NRF1: variants seen among roughly 807,000 people sequenced by gnomAD.
NRF1 encodes the protein alpha palindromic-binding protein.
NRF1 carries 5 observed loss-of-function variants against 58.5 expected under a neutral mutation model. That is an observed-to-expected ratio of 0.09 (90% CI 0.04 to 0.18). The LOEUF (loss-of-function observed/expected upper bound fraction) is 0.18. Ranked by LOEUF, NRF1 falls within the 10% of genes least tolerant of loss-of-function variation. NRF1 has a pLI of 1.00. For synonymous variants in NRF1, 224 were observed against 246.7 expected (o/e 0.91, Z 0.86); for missense variants, 288 against 657.7 (o/e 0.44, Z 6.15).
intron 10 of NRF1, among the ~76,000 whole-genome samples, chr7:129,751,760 C>T (rs1208520502): frequency 6.6e-6 from 1 of 152,226 alleles, no homozygotes. Flanking sequence ...TCTGGTTTTG[C>T]TTGCTACTTG....
chr7:129,679,018 C>G lies in NRF1; in HGVS notation c.465+1260C>G, dbSNP rs1802245624. Reference sequence around the variant, plus strand: ...TTGCAAGTACCAGTAAAATTAGAAGCAGAATATATCTTCCAGAGCACCGAA... The same window carrying G: ...TTGCAAGTACCAGTAAAATTAGAAGGAGAATATATCTTCCAGAGCACCGAA... On this transcript the variant is annotated intron_variant, in intron 4 of 10. Transcript: ENST00000393232. Among the ~76,000 whole-genome samples, 3 of 152,072 alleles carry G rather than the reference C, an allele frequency of 2.0e-5. No homozygotes were observed. The South Asian group carries it at 6.2e-4, about 32-fold the overall frequency.
At chr7:129,708,846 G>A (rs1803008762) in intron 5 of NRF1, among the ~76,000 whole-genome samples, 1 of 152,124 alleles carries the variant, frequency 6.6e-6, no homozygotes, top group Non-Finnish European at 1.5e-5. Context: ...AGAGGAACAA[G>A]TCTACAAAAT....
chr7:129,670,092 TAGAA>T (rs1001863739), intron 2 of NRF1, among the ~76,000 whole-genome samples: 1 of 152,176 alleles, frequency 6.6e-6, no homozygotes, highest in Non-Finnish European at 1.5e-5. Flanking sequence ...AAACCAGTCA[TAGAA>T]AGACAAATAC....
intron 1 of NRF1, among the ~76,000 whole-genome samples, chr7:129,631,434 G>A (rs1801047183): frequency 6.6e-6 from 1 of 151,904 alleles, no homozygotes; most frequent in Non-Finnish European, 1.5e-5. Flanking sequence ...TGCCAAGGCT[G>A]GTTTTAAATT....
At chr7:129,725,322 T>C (rs1024425901) in intron 9 of NRF1, among the ~76,000 whole-genome samples, 6 of 151,954 alleles carry the variant, frequency 3.9e-5, no homozygotes, top group Non-Finnish European at 7.4e-5. Flanking sequence ...AGTACAATCC[T>C]AATTATTATC....
intron 5 of NRF1, among the ~76,000 whole-genome samples, chr7:129,700,419 A>G (rs1177756956): frequency 6.6e-6 from 1 of 152,178 alleles, no homozygotes; most frequent in Non-Finnish European, 1.5e-5. Context: ...GGATCTAGGC[A>G]TCTGCAATGT....
intron 10 of NRF1, among the ~76,000 whole-genome samples, chr7:129,742,273 A>T (rs1054282082): frequency 7.9e-6 from 1 of 126,732 alleles, no homozygotes; most frequent in African/African-American, 2.8e-5. Flanking sequence ...AGTGAAATTG[A>T]TTAAAAAAAA....
At chr7:129,637,870 T>A (rs6950082) in intron 1 of NRF1, among the ~76,000 whole-genome samples, 14,582 of 151,598 alleles carry the variant, frequency 0.096, 763 homozygotes, top group South Asian at 0.15. Context: ...GATTTTATTT[T>A]TTGTTTTTTT....
intron 10 of NRF1, among the ~76,000 whole-genome samples, chr7:129,739,590 G>A (rs1293309547): frequency 1.3e-5 from 2 of 151,810 alleles, no homozygotes; most frequent in Non-Finnish European, 2.9e-5. Flanking sequence ...TCCGCAGCCA[G>A]TAAACAGCAG....
Position 129,642,756 on chromosome 7 carries a change from A to ACTTTTTTTTTTTTTTTTTTTT in NRF1, c.-6-14590_-6-14589insCTTTTTTTTTTTTTTTTTTTT, listed in dbSNP as rs1562957544. Among the ~76,000 whole-genome samples, 26 of 131,696 alleles carry ACTTTTTTTTTTTTTTTTTTTT rather than the reference A, an allele frequency of 2.0e-4. 1 individual carries two copies. The highest frequency in any genetic ancestry group is 5.5e-4 in the South Asian group (2 of 3,630). The allele number at this position is 131,696 out of a possible 152,430, so 86.4% of individuals were successfully genotyped here. A position where few individuals can be genotyped will look rare whatever the true frequency, so the allele number is the denominator to read the frequency against. On this transcript the variant is annotated intron_variant, in intron 1 of 10. Transcript: ENST00000393232. The stretch of plus-strand genomic sequence containing the variant: ...TTCTAAAAGAATACATTCTTTAAAA[A>ACTTTTTTTTTTTTTTTTTTTT]ATTTTTTTTTTTTTTTTTTTAAATG...
intron 10 of NRF1, among the ~76,000 whole-genome samples, chr7:129,733,444 G>T (rs1041891650): frequency 1.3e-5 from 2 of 148,196 alleles, no homozygotes; most frequent in African/African-American, 4.9e-5. Flanking sequence ...TCCAGCCTGG[G>T]TATAGAGCGA....
intron 3 of NRF1, among the ~76,000 whole-genome samples, chr7:129,676,537 AAC>A (rs777776487): frequency 8.5e-5 from 13 of 152,380 alleles, no homozygotes; most frequent in Non-Finnish European, 1.3e-4. Context: ...GGGCATTCAG[AAC>A]ACACACAACA....
chr7:129,701,633 G>T (rs1272803199), intron 5 of NRF1, among the ~76,000 whole-genome samples: 2 of 151,764 alleles, frequency 1.3e-5, no homozygotes, highest in African/African-American at 4.8e-5. Flanking sequence ...GAGAAAACTT[G>T]GTAATAAAAT....
intron 1 of NRF1, among the ~76,000 whole-genome samples, chr7:129,650,772 T>A (rs949380181): frequency 5.3e-5 from 8 of 152,166 alleles, no homozygotes; most frequent in Non-Finnish European, 1.0e-4. Flanking sequence ...GCTTAGAGGT[T>A]GAGTAACTTG....
intron 4 of NRF1, among the ~76,000 whole-genome samples, chr7:129,678,763 A>G (rs561025103): frequency 6.6e-6 from 1 of 152,302 alleles, no homozygotes; most frequent in South Asian, 2.1e-4. Context: ...AAACAATACT[A>G]CTACTGGTAG....
At chr7:129,691,560 AGC>A (rs1473556975) in intron 5 of NRF1, among the ~76,000 whole-genome samples, 1 of 150,808 alleles carries the variant, frequency 6.6e-6, no homozygotes, top group African/African-American at 2.4e-5. Context: ...TTGCTGTGTT[AGC>A]CAGGATCGTC....
intron 1 of NRF1, among the ~76,000 whole-genome samples, chr7:129,637,971 A>T (rs1260403691): frequency 7.2e-5 from 11 of 151,802 alleles, no homozygotes; most frequent in Non-Finnish European, 5.9e-5. Flanking sequence ...AAGCCAGAAG[A>T]TTGGACACCT....
intron 4 of NRF1, among the ~76,000 whole-genome samples, chr7:129,680,638 A>G (rs1422703739): frequency 6.6e-6 from 1 of 152,254 alleles, no homozygotes; most frequent in Non-Finnish European, 1.5e-5. Context: ...TACTGATATT[A>G]TACTACAGCA....
chr7:129,679,139 A>G (rs927958924), intron 4 of NRF1, among the ~76,000 whole-genome samples: 7 of 152,240 alleles, frequency 4.6e-5, no homozygotes, highest in African/African-American at 1.7e-4. Flanking sequence ...ACACAATAAT[A>G]CAAGTGAGGC....
Sources: allele counts gnomAD v4.1 joint callset (sites outside exome capture counted in the v4.1 genomes callset), GRCh38; gene constraint gnomAD v4.1.1; transcripts MANE v1.5; gene names NCBI Gene and HGNC (gene_info 2026-07-23, HGNC 2026-07-21).